The following PPM1H variants were observed in gnomAD, a reference collection of about 807,000 sequenced individuals.
PPM1H encodes the protein protein phosphatase, Mg2+/Mn2+ dependent 1H.
Under a neutral mutation model 54.9 loss-of-function variants are expected in PPM1H, and 27 were observed. The ratio of observed to expected loss-of-function variants is 0.49; its 90% CI spans 0.36 to 0.68. The LOEUF (loss-of-function observed/expected upper bound fraction) is 0.68, where lower values mean the gene tolerates loss of function less well. Ranked by LOEUF, PPM1H falls within the 30% of genes least tolerant of loss-of-function variation. PPM1H has a pLI of 0.00. For synonymous variants in PPM1H, 305 were observed against 270.8 expected, an observed-to-expected ratio of 1.13 and a Z score of -1.24; for missense variants, 596 against 667.8, an observed-to-expected ratio of 0.89 and a Z score of 1.19.
chr12:62,807,814 T>C (rs904667625), intron 2 of PPM1H, among the ~76,000 whole-genome samples: 3 of 152,138 alleles, frequency 2.0e-5, no homozygotes, highest in Non-Finnish European at 4.4e-5. Context: ...GAGAAACACA[T>C]CCAGTTACAG....
At chr12:62,878,249 C>T (rs1222988511) in intron 1 of PPM1H, among the ~76,000 whole-genome samples, 1 of 152,106 alleles carries the variant, frequency 6.6e-6, no homozygotes, top group Non-Finnish European at 1.5e-5. Context: ...GTTCTCAATG[C>T]CTGTTTCTAT....
chr12:62,684,101 G>T (rs2076038651), intron 8 of PPM1H, among the ~76,000 whole-genome samples: 1 of 152,236 alleles, frequency 6.6e-6, no homozygotes, highest in Non-Finnish European at 1.5e-5. Flanking sequence ...CACTAAGCAA[G>T]AGGATGGGGG....
chr12:62,839,930 TGA>T (rs1459950169), intron 1 of PPM1H, among the ~76,000 whole-genome samples: 1 of 151,026 alleles, frequency 6.6e-6, no homozygotes, highest in Admixed American at 6.6e-5. Context: ...CCCAGGTACT[TGA>T]GAGGCTGAGG....
intron 1 of PPM1H, among the ~76,000 whole-genome samples, chr12:62,843,746 G>T (rs906674662): frequency 2.6e-5 from 4 of 152,178 alleles, no homozygotes; most frequent in Non-Finnish European, 2.9e-5. Flanking sequence ...TTTAAAAAAA[G>T]TACTTTATTT....
chr12:62,690,808 C>T (rs7956444), intron 7 of PPM1H, among the ~76,000 whole-genome samples: 7 of 152,154 alleles, frequency 4.6e-5, no homozygotes, highest in East Asian at 1.9e-4. Context: ...CCCATCTCTA[C>T]GAAAAATACA....
intron 1 of PPM1H, among the ~76,000 whole-genome samples, chr12:62,902,656 A>T (rs1208803413): frequency 6.6e-6 from 1 of 152,184 alleles, no homozygotes; most frequent in Non-Finnish European, 1.5e-5. Flanking sequence ...CTAAGGGTCC[A>T]TTCTTCTTCT....
chr12:62,648,375 G>T lies in PPM1H; in HGVS notation c.*114C>A. Reference sequence around the variant, plus strand: ...CTTTTGGCCATGAACTCCCCGCTTGGGCTGGGAAGAGACTGCATCACTTGG... The same window carrying T: ...CTTTTGGCCATGAACTCCCCGCTTGTGCTGGGAAGAGACTGCATCACTTGG... On this transcript the variant is annotated 3_prime_UTR_variant, in exon 10 of 10. Transcript: ENST00000228705. 7.4e-7 allele frequency: 1 copy of T among 1,350,598 alleles called. No individual in the cohort carries two copies. The highest frequency in any genetic ancestry group is 1.0e-6 in the Non-Finnish European group (1 of 977,760). The allele number at this position is 1,350,598 out of a possible 1,614,324, so 83.7% of individuals were successfully genotyped here.
chr12:62,817,125 A>G (rs1300080801), intron 2 of PPM1H, among the ~76,000 whole-genome samples: 1 of 125,584 alleles, frequency 8.0e-6, no homozygotes, highest in Non-Finnish European at 1.7e-5. Context: ...CTAAAAAAAA[A>G]AAAAAAAAAA....
At chr12:62,892,525 A>G (rs74643026) in intron 1 of PPM1H, among the ~76,000 whole-genome samples, 2,869 of 152,302 alleles carry the variant, frequency 0.019, 37 homozygotes, top group Non-Finnish European at 0.025. Flanking sequence ...TGCTTCACTA[A>G]TCCCAAATTT....
intron 6 of PPM1H, among the ~76,000 whole-genome samples, chr12:62,709,985 G>A (rs1485062777): frequency 3.3e-5 from 5 of 152,134 alleles, no homozygotes; most frequent in South Asian, 2.1e-4. Flanking sequence ...CAGGAGAATC[G>A]CTTGAACCCA....
At chr12:62,887,479 G>C (rs1164402812) in intron 1 of PPM1H, among the ~76,000 whole-genome samples, 1 of 152,128 alleles carries the variant, frequency 6.6e-6, no homozygotes, top group Non-Finnish European at 1.5e-5. Context: ...AATGTACCAG[G>C]CATGATGCTA....
intron 2 of PPM1H, among the ~76,000 whole-genome samples, chr12:62,805,323 T>C (rs528544376): frequency 3.3e-5 from 5 of 152,224 alleles, no homozygotes; most frequent in South Asian, 2.1e-4. Flanking sequence ...AAATTAAAAA[T>C]AGAACCATCA....
chr12:62,807,561 G>A (rs990792857), intron 2 of PPM1H, among the ~76,000 whole-genome samples: 3 of 152,182 alleles, frequency 2.0e-5, no homozygotes, highest in African/African-American at 7.2e-5. Flanking sequence ...CAGGACAGGT[G>A]TTAGGCCATT....
intron 1 of PPM1H, among the ~76,000 whole-genome samples, chr12:62,927,883 A>T (rs1276647087): frequency 1.3e-5 from 2 of 152,158 alleles, no homozygotes; most frequent in African/African-American, 4.8e-5. Context: ...TCTGTTCTTC[A>T]TATCTTTTAC....
chr12:62,880,918 T>C (rs556921116), intron 1 of PPM1H, among the ~76,000 whole-genome samples: 2 of 152,268 alleles, frequency 1.3e-5, no homozygotes, highest in East Asian at 1.9e-4. Flanking sequence ...AGACTCCTAA[T>C]GAGCTCTTGG....
intron 3 of PPM1H, among the ~76,000 whole-genome samples, chr12:62,799,970 A>T (rs946465540): frequency 3.3e-5 from 5 of 152,180 alleles, no homozygotes; most frequent in African/African-American, 1.2e-4. Context: ...CCTCCTGAGT[A>T]GCTGGAATGA....
rs2076773308 is a variant in PPM1H, at chr12:62,801,973, G to A, written c.599C>T (p.Pro200Leu). The change falls in exon 3 of 10, where the codon CCC becomes CTC. Residue 200 changes from proline (P) to leucine (L), a missense_variant. Around this residue, in one of 3 missense-constraint regions of PPM1H, gnomAD observed 382 missense variants for 387.1 expected, o/e 0.99. Coordinates refer to ENST00000228705, the MANE Select transcript of PPM1H (RefSeq NM_020700.2). The part of the protein sequence containing the change: ...TCLGEEPENT[P>L]ANSRTLTRAA... ...CCGGGTCAGAGTCCGGCTGTTGGCG[G>A]GCGTGTTCTCAGGCTCCTCCCCCAG... is the stretch of plus-strand genomic sequence containing the variant. The A allele has an allele frequency of 1.2e-6, 2 of 1,612,978 alleles. No individual in the cohort carries two copies. Among genetic ancestry groups the A allele is most frequent in the East Asian group, 4.5e-5 (2 of 44,852 alleles).
At chr12:62,658,920 A>ACTGGCAGAAACCCAGAGGTACTGAC (rs1389706682) in intron 9 of PPM1H, 1 of 677,888 alleles carries the variant, frequency 1.5e-6, no homozygotes, top group African/African-American at 1.8e-5. Flanking sequence ...ATTAAGCGTA[A>ACTGGCAGAAACCCAGAGGTACTGAC]CTGGCAGAAA....
chr12:62,664,117 C>T (rs1189934921), intron 9 of PPM1H, among the ~76,000 whole-genome samples: 2 of 152,064 alleles, frequency 1.3e-5, no homozygotes, highest in Non-Finnish European at 1.5e-5. Context: ...TTAAGGGTAT[C>T]TTTCTTTTCT....
Sources: gnomAD v4.1 joint callset for allele counts (sites outside exome capture counted in the v4.1 genomes callset) on GRCh38, gnomAD v4.1.1 for gene constraint, gnomAD v4.1.1 regional missense constraint, MANE v1.5 for transcripts, NCBI Gene and HGNC (gene_info 2026-07-23, HGNC 2026-07-21) for gene names.